ZBTB7C: variants seen among roughly 807,000 people sequenced by gnomAD.
The protein encoded by ZBTB7C is zinc finger and BTB domain containing 7C.
A neutral mutation model predicts 25.7 loss-of-function variants in ZBTB7C; 8 were observed. The observed-to-expected ratio is 0.31, with a 90% CI of 0.18 to 0.56. ZBTB7C has a LOEUF of 0.56. Ranked by LOEUF, ZBTB7C falls within the 20% of genes least tolerant of loss-of-function variation. The pLI, the probability that ZBTB7C is intolerant of heterozygous loss-of-function variation, is 0.91. For missense variants in ZBTB7C, 824 were observed against 855.2 expected, an observed-to-expected ratio of 0.96 and a Z score of 0.46; for synonymous variants, 394 against 369.0, an observed-to-expected ratio of 1.07 and a Z score of -0.78.
At chr18:48,174,056 G>A (rs189772969) in intron 3 of ZBTB7C, among the ~76,000 whole-genome samples, 74 of 152,330 alleles carry the variant, frequency 4.9e-4, no homozygotes, top group African/African-American at 1.1e-3. Context: ...TAAAAATTAC[G>A]TTTCCACATG....
rs2036175040 is a variant in ZBTB7C at position 48,040,415 on chromosome 18, TAGC to T, written c.690_692del (p.Leu231del). 6.2e-7 allele frequency: 1 copy of T among 1,610,582 alleles called. No homozygotes were observed. Among genetic ancestry groups the T allele is most frequent in the African/African-American group, 1.3e-5 (1 of 74,812 alleles). ...TGGCCTTGGGGTACAGGTTCTCCCTTAGCAGAGATTCGATGGAGAAGTCCCGGA... is the reference window on the plus strand; with the variant it reads ...TGGCCTTGGGGTACAGGTTCTCCCTTAGAGATTCGATGGAGAAGTCCCGGA... On this transcript the variant is annotated inframe_deletion, in exon 4 of 5. Coordinates refer to ENST00000590800, the MANE Select transcript of ZBTB7C (RefSeq NM_001318841.2).
intron 2 of ZBTB7C, among the ~76,000 whole-genome samples, chr18:48,233,128 G>A (rs1432742613): frequency 6.6e-6 from 1 of 152,166 alleles, no homozygotes; most frequent in African/African-American, 2.4e-5. Context: ...TCTAATGAGA[G>A]GTGGTTAGGC....
chr18:48,329,264 C>T (rs1292378159), intron 2 of ZBTB7C, among the ~76,000 whole-genome samples: 1 of 152,218 alleles, frequency 6.6e-6, no homozygotes, highest in Admixed American at 6.5e-5. Context: ...TTCCATTTGA[C>T]CACCACTTTA....
intron 2 of ZBTB7C, among the ~76,000 whole-genome samples, chr18:48,324,931 C>T (rs1261763273): frequency 6.6e-6 from 1 of 152,016 alleles, no homozygotes. Context: ...GCAGAGCCAC[C>T]GTGGATGTGA....
chr18:48,354,884 C>T (rs1426209902), intron 1 of ZBTB7C, among the ~76,000 whole-genome samples: 1 of 152,194 alleles, frequency 6.6e-6, no homozygotes, highest in African/African-American at 2.4e-5. Context: ...CCTCCTACGC[C>T]CCTCAGCTCC....
intron 2 of ZBTB7C, among the ~76,000 whole-genome samples, chr18:48,243,367 C>T (rs1599173782): frequency 1.3e-5 from 2 of 150,754 alleles, no homozygotes; most frequent in South Asian, 4.2e-4. Context: ...AATAGCATTG[C>T]TGTACAACAG....
chr18:48,253,060 C>A (rs1043073397), intron 2 of ZBTB7C, among the ~76,000 whole-genome samples: 1 of 152,036 alleles, frequency 6.6e-6, no homozygotes, highest in Non-Finnish European at 1.5e-5. Context: ...TGTGCTTGGA[C>A]TTAACAGCAG....
At chr18:48,313,842 G>A (rs1212425107) in intron 2 of ZBTB7C, among the ~76,000 whole-genome samples, 3 of 152,212 alleles carry the variant, frequency 2.0e-5, no homozygotes, top group Non-Finnish European at 4.4e-5. Flanking sequence ...TTGGAGGTAG[G>A]GCCCGGTGGG....
At chr18:48,215,132 A>T (rs189426058) in intron 2 of ZBTB7C, among the ~76,000 whole-genome samples, 1 of 152,352 alleles carries the variant, frequency 6.6e-6, no homozygotes, top group Admixed American at 6.5e-5. Flanking sequence ...GACCAGTTCC[A>T]ATAATCCTGC....
chr18:48,094,225 A>G (rs1028584212), intron 3 of ZBTB7C, among the ~76,000 whole-genome samples: 3 of 152,160 alleles, frequency 2.0e-5, no homozygotes, highest in Non-Finnish European at 4.4e-5. Flanking sequence ...CTGGATAATG[A>G]TATCATCTGG....
chr18:48,188,442 A>T (rs1044318565), intron 2 of ZBTB7C, among the ~76,000 whole-genome samples: 1 of 152,250 alleles, frequency 6.6e-6, no homozygotes, highest in Non-Finnish European at 1.5e-5. Context: ...TGCTACCATG[A>T]GAACGGTATG....
chr18:48,231,511 A>G (rs369398094), intron 2 of ZBTB7C, among the ~76,000 whole-genome samples: 2 of 152,240 alleles, frequency 1.3e-5, no homozygotes, highest in African/African-American at 2.4e-5. Context: ...CAACAGGCCA[A>G]CCTGCCTGTG....
chr18:48,276,711 T>C (rs1327887509), intron 2 of ZBTB7C, among the ~76,000 whole-genome samples: 1 of 74,886 alleles, frequency 1.3e-5, no homozygotes, highest in Non-Finnish European at 2.7e-5. Flanking sequence ...TGTTGGACAT[T>C]TGGGTTGGTT....
At chr18:48,288,027 C>G (rs987024884) in intron 2 of ZBTB7C, among the ~76,000 whole-genome samples, 5 of 152,110 alleles carry the variant, frequency 3.3e-5, no homozygotes, top group Non-Finnish European at 7.3e-5. Flanking sequence ...CTCTGCTACT[C>G]TACTCTGTAA....
At chr18:48,360,708 G>C (rs1346270103) in intron 1 of ZBTB7C, among the ~76,000 whole-genome samples, 2 of 152,128 alleles carry the variant, frequency 1.3e-5, no homozygotes, top group Non-Finnish European at 2.9e-5. Flanking sequence ...TAGACCAAGT[G>C]ACCAGCCAAA....
intron 3 of ZBTB7C, among the ~76,000 whole-genome samples, chr18:48,063,834 C>T (rs1321154171): frequency 6.6e-6 from 1 of 151,940 alleles, no homozygotes; most frequent in African/African-American, 2.4e-5. Context: ...ATGCCAAATG[C>T]CTTTTTTGTA....
chr18:48,071,910 G>A (rs1350860056), intron 3 of ZBTB7C, among the ~76,000 whole-genome samples: 5 of 152,206 alleles, frequency 3.3e-5, no homozygotes, highest in African/African-American at 9.6e-5. Context: ...CACTGATTCT[G>A]CTTCTTGGAA....
chr18:48,395,375 ATGTGTGTGTG>A (rs149447084), intron 1 of ZBTB7C, among the ~76,000 whole-genome samples: 1,559 of 82,734 alleles, frequency 0.019, 50 homozygotes, highest in Non-Finnish European at 0.029. Context: ...TTCTATTCAA[ATGTGTGTGTG>A]TGTGTGTGTG....
intron 1 of ZBTB7C, among the ~76,000 whole-genome samples, chr18:48,339,637 C>T (rs553645968): frequency 2.6e-5 from 4 of 152,060 alleles, no homozygotes; most frequent in African/African-American, 9.7e-5. Flanking sequence ...ATCTTCCTTC[C>T]AAGTCACCTC....
Sources: allele counts gnomAD v4.1 joint callset (sites outside exome capture counted in the v4.1 genomes callset), GRCh38; gene constraint gnomAD v4.1.1; transcripts MANE v1.5; gene names NCBI Gene and HGNC (gene_info 2026-07-23, HGNC 2026-07-21).